Variants in TNNT2 observed in about 807,000 individuals in gnomAD.
The protein encoded by TNNT2 is troponin T2, cardiac type.
A neutral mutation model predicts 62.4 loss-of-function variants in TNNT2; 34 were observed. The ratio of observed to expected loss-of-function variants is 0.54; its 90% CI spans 0.41 to 0.72. The LOEUF is 0.72. TNNT2 is among the 30% of genes least tolerant of loss of function. TNNT2 has a pLI of 0.00. For synonymous variants in TNNT2, 123 were observed against 127.2 expected (o/e 0.97, Z 0.22); for missense variants, 275 against 381.9 (o/e 0.72, Z 2.33).
chr1:201,366,784 T>G, intron 8 of TNNT2, 54 bp downstream of exon 8: 1 of 1,613,738 alleles, frequency 6.2e-7, no homozygotes, highest in Non-Finnish European at 8.5e-7. Flanking sequence ...TCCATCATCA[T>G]CCTCTCTCCC....
intron 11 of TNNT2, chr1:201,363,638 C>T (rs1558226423): frequency 1.9e-6 from 1 of 535,952 alleles, no homozygotes; most frequent in African/African-American, 1.9e-5. Context: ...CTCGTCATCC[C>T]CTTAAGCTGG....
At chr1:201,370,485 C>G (rs1296600242) in intron 4 of TNNT2, among the ~76,000 whole-genome samples, 1 of 152,186 alleles carries the variant, frequency 6.6e-6, no homozygotes, top group African/African-American at 2.4e-5. Context: ...AACAGTTGTT[C>G]TACGTACAAA....
At chr1:201,365,444 T>A in intron 9 of TNNT2, 137 bp from the exon 10 acceptor site, 1 of 1,181,094 alleles carries the variant, frequency 8.5e-7, no homozygotes, top group Non-Finnish European at 1.3e-6. Flanking sequence ...GGGGTAACTG[T>A]GGCCTGAACC....
chr1:201,363,418 C>T lies in TNNT2; in HGVS notation c.490-12G>A. Reference sequence around the variant, plus strand: ...CGAGCCCTCTCTTCCTGATTTACAGCAGGGAGGAAGAAAGCAAATTAGGGG... The same window carrying T: ...CGAGCCCTCTCTTCCTGATTTACAGTAGGGAGGAAGAAAGCAAATTAGGGG... On this transcript the variant is annotated splice_polypyrimidine_tract_variant and intron_variant, in intron 11 of 16. Coordinates refer to ENST00000656932, the MANE Select transcript of TNNT2 (RefSeq NM_001276345.2). 6.2e-7 allele frequency: 1 copy of T among 1,613,486 alleles called. No homozygotes were observed. Among genetic ancestry groups the T allele is most frequent in the Non-Finnish European group, 8.5e-7 (1 of 1,179,410 alleles).
At chr1:201,375,444 T>A (rs975952608) in intron 1 of TNNT2, 3 of 152,150 alleles carry the variant, frequency 2.0e-5, no homozygotes, top group Non-Finnish European at 4.4e-5. Context: ...TCTGAGCCAC[T>A]TTTTTGCCCC....
At chr1:201,370,279 G>A (rs376508450) in intron 4 of TNNT2, among the ~76,000 whole-genome samples, 1 of 152,172 alleles carries the variant, frequency 6.6e-6, no homozygotes, top group African/African-American at 2.4e-5. Flanking sequence ...TGCCCTCAAC[G>A]AGCCTGCCCA....
At chr1:201,361,042 A>G (rs1253708168) in intron 15 of TNNT2, 1 of 593,246 alleles carries the variant, frequency 1.7e-6, no homozygotes, top group Admixed American at 2.6e-5. Flanking sequence ...TTGGAACACC[A>G]GGAAAGTGTC....
intron 15 of TNNT2, 27 bp downstream of exon 15, chr1:201,361,252 C>T: frequency 6.2e-7 from 1 of 1,610,556 alleles, no homozygotes; most frequent in Non-Finnish European, 8.5e-7. Flanking sequence ...GATGGAGATG[C>T]TGGGCGGGGA....
At chr1:201,365,428 A>G in intron 9 of TNNT2, 121 bp from the exon 10 acceptor site, 1 of 1,205,338 alleles carries the variant, frequency 8.3e-7, no homozygotes. Flanking sequence ...GCGCCTGGCC[A>G]GGGAAGGGGT....
chr1:201,361,187 G>C, intron 15 of TNNT2, 92 bp downstream of exon 15: 1 of 1,248,952 alleles, frequency 8.0e-7, no homozygotes, highest in Non-Finnish European at 1.2e-6. Context: ...ATAGGGACAG[G>C]GACCCAGGGA....
rs1571636839 is a variant in TNNT2 at position 201,366,527 on chromosome 1, T to C, written c.233+311A>G. The C allele has an allele frequency of 3.2e-6, 4 of 1,257,412 alleles. No individual in the cohort carries two copies. In the African/African-American group the frequency reaches 4.6e-5, roughly 14 times the overall value. 77.9% of individuals were successfully genotyped at this position (1,257,412 alleles called of 1,614,324 possible). ...TAATCCCAAGGTCCCACCTCGGCCA[T>C]GGAGGAGGGTGTTCTGGCCATACTG... On this transcript the variant is annotated intron_variant, in intron 8 of 16. Coordinates refer to ENST00000656932, the MANE Select transcript of TNNT2 (RefSeq NM_001276345.2).
At chr1:201,374,935 A>AG (rs1378865839) in intron 1 of TNNT2, 3 of 152,252 alleles carry the variant, frequency 2.0e-5, no homozygotes, top group African/African-American at 7.2e-5. Context: ...AAGAATCCAA[A>AG]TGATGCTCAG....
At chr1:201,369,267 C>G (rs1396011584) in intron 5 of TNNT2, 3 of 472,092 alleles carry the variant, frequency 6.4e-6, no homozygotes, top group African/African-American at 6.0e-5. Flanking sequence ...AAGCCCTGGT[C>G]TCACTCCCTT....
chr1:201,365,440 A>C, intron 9 of TNNT2, 133 bp from the exon 10 acceptor site: 1 of 1,183,946 alleles, frequency 8.4e-7, no homozygotes, highest in African/African-American at 1.5e-5. Context: ...GGAAGGGGTA[A>C]CTGTGGCCTG....
chr1:201,367,790 C>A lies in TNNT2; in HGVS notation c.180G>T (p.Glu60Asp), dbSNP rs774064875. 6.2e-7 allele frequency: 1 copy of A among 1,614,112 alleles called. No homozygotes were observed. Among genetic ancestry groups the A allele is most frequent in the South Asian group, 1.1e-5 (1 of 91,074 alleles). The change falls in exon 7 of 17, where the codon GAG becomes GAT. Residue 60 changes from glutamate (E) to aspartate (D), a missense_variant. Coordinates refer to ENST00000656932, the MANE Select transcript of TNNT2 (RefSeq NM_001276345.2). The part of the protein sequence containing the change: ...ETRAEEDEEE[E>D]EAKEAEDGPM... ...CCTTACCTTCAGCCTCCTTTGCTTC[C>A]TCTTCTTCTTCATCTTCTAAATGAA...
chr1:201,366,439 C>G, intron 8 of TNNT2: 1 of 1,122,404 alleles, frequency 8.9e-7, no homozygotes, highest in Non-Finnish European at 1.1e-6. Flanking sequence ...TCTCAGCTCT[C>G]TGAAGCCGCC....
At chr1:201,377,305 G>C (rs1401295310) in intron 1 of TNNT2, among the ~76,000 whole-genome samples, 1 of 152,228 alleles carries the variant, frequency 6.6e-6, no homozygotes, top group Non-Finnish European at 1.5e-5. Context: ...CCACTCTACA[G>C]ATGAGAAAAC....
chr1:201,372,092 A>G (rs1660700760), intron 3 of TNNT2, 51 bp from the exon 4 acceptor site: 4 of 1,614,160 alleles, frequency 2.5e-6, no homozygotes, highest in Non-Finnish European at 3.4e-6. Context: ...GAGGTGGGTC[A>G]GTTTCGAACC....
chr1:201,366,204 G>T (rs1659623034), intron 8 of TNNT2: 1 of 1,031,086 alleles, frequency 9.7e-7, no homozygotes, highest in South Asian at 3.8e-5. Context: ...GCCAGGAAGG[G>T]GGAAGGCACT....
Sources: gnomAD v4.1 joint callset for allele counts (sites outside exome capture counted in the v4.1 genomes callset) on GRCh38, gnomAD v4.1.1 for gene constraint, MANE v1.5 for transcripts, NCBI Gene and HGNC (gene_info 2026-07-23, HGNC 2026-07-21) for gene names.